The following PAN3 variants were observed in gnomAD, a reference collection of about 807,000 sequenced individuals.
PAN3 encodes the protein PAN2-PAN3 deadenylation complex subunit PAN3.
Under a neutral mutation model 96.2 loss-of-function variants are expected in PAN3, and 19 were observed. The observed-to-expected ratio is 0.20, with a 90% CI of 0.14 to 0.29. PAN3 has a LOEUF of 0.29. Among genes scored for constraint, PAN3 ranks in the 10% least tolerant of loss-of-function variants. The pLI is 1.00. For synonymous variants in PAN3, 433 were observed against 406.6 expected (o/e 1.06, Z -0.78); for missense variants, 882 against 1,108.1 (o/e 0.80, Z 2.90).
At position 28,158,809 on chromosome 13, in the gene PAN3, C is replaced by T. The variant is rs891797799; in HGVS notation, c.431-15463C>T. Among the ~76,000 whole-genome samples the T allele has an allele frequency of 7.3e-5, 11 of 150,974 alleles. No homozygotes were observed. The East Asian group carries it at 7.8e-4, about 11-fold the overall frequency. On this transcript the variant is annotated intron_variant, in intron 1 of 18. Transcript: ENST00000380958. ...AGGAGAATGGCGTGAACCCGGGAGG[C>T]GGAGCTCACAGTGAGTGGATATCGC...
At chr13:28,215,172 G>A in intron 5 of PAN3, 1 of 715,188 alleles carries the variant, frequency 1.4e-6, no homozygotes, top group Non-Finnish European at 2.6e-6. Flanking sequence ...CACCCATAAA[G>A]ATGGCAGCAC....
chr13:28,291,948 A>T (rs28712498), intron 18 of PAN3, among the ~76,000 whole-genome samples: 25 of 152,274 alleles, frequency 1.6e-4, no homozygotes, highest in African/African-American at 4.3e-4. Flanking sequence ...GTGTTTTTTT[A>T]AAATTTTTTA....
intron 1 of PAN3, among the ~76,000 whole-genome samples, chr13:28,169,908 G>C (rs931908655): frequency 6.6e-6 from 1 of 151,896 alleles, no homozygotes; most frequent in African/African-American, 2.4e-5. Context: ...TTAGCTGGGC[G>C]TGGTGACGGG....
intron 6 of PAN3, among the ~76,000 whole-genome samples, chr13:28,235,539 C>T (rs942906514): frequency 6.6e-6 from 1 of 152,004 alleles, no homozygotes; most frequent in African/African-American, 2.4e-5. Context: ...GAGATCTTTG[C>T]CTGCTTTTTA....
At chr13:28,172,455 CA>C (rs757814023) in intron 1 of PAN3, among the ~76,000 whole-genome samples, 10 of 147,318 alleles carry the variant, frequency 6.8e-5, no homozygotes, top group Admixed American at 2.7e-4. Flanking sequence ...GACTCTGTCT[CA>C]AAAAAAAAAT....
intron 4 of PAN3, among the ~76,000 whole-genome samples, chr13:28,179,948 A>G (rs9582011): frequency 0.094 from 14,272 of 152,092 alleles, 833 homozygotes; most frequent in African/African-American, 0.17. Flanking sequence ...ATACAATAAA[A>G]TGTTACTAGA....
intron 5 of PAN3, among the ~76,000 whole-genome samples, chr13:28,213,423 A>G (rs1347706563): frequency 6.6e-6 from 1 of 152,166 alleles, no homozygotes; most frequent in African/African-American, 2.4e-5. Context: ...GTATAACAGT[A>G]TCTTTAAAAT....
intron 1 of PAN3, among the ~76,000 whole-genome samples, chr13:28,157,593 T>C (rs1329124950): frequency 6.6e-6 from 1 of 152,102 alleles, no homozygotes; most frequent in East Asian, 1.9e-4. Flanking sequence ...AAATCAAGAA[T>C]GCAATCCTAT....
chr13:28,185,763 T>G (rs1033308878), intron 4 of PAN3, among the ~76,000 whole-genome samples: 1 of 152,200 alleles, frequency 6.6e-6, no homozygotes, highest in Non-Finnish European at 1.5e-5. Context: ...TGAGTTCTTA[T>G]ACACAGTAAT....
intron 1 of PAN3, among the ~76,000 whole-genome samples, chr13:28,157,766 T>G (rs558001855): frequency 6.6e-6 from 1 of 152,324 alleles, no homozygotes; most frequent in South Asian, 2.1e-4. Context: ...ATTGTTAAAA[T>G]GGCCATACTG....
intron 18 of PAN3, among the ~76,000 whole-genome samples, chr13:28,289,043 G>T (rs1869364675): frequency 6.6e-6 from 1 of 151,538 alleles, no homozygotes; most frequent in Non-Finnish European, 1.5e-5. Context: ...AGCCAGGATG[G>T]TCTCGATCTC....
At chr13:28,154,644 T>C (rs7990872) in intron 1 of PAN3, among the ~76,000 whole-genome samples, 3 of 150,448 alleles carry the variant, frequency 2.0e-5, no homozygotes, top group African/African-American at 7.3e-5. Flanking sequence ...ACAGGTGCCC[T>C]CCACTACGCC....
intron 1 of PAN3, among the ~76,000 whole-genome samples, chr13:28,149,660 A>G (rs1035444659): frequency 2.0e-5 from 3 of 152,164 alleles, no homozygotes; most frequent in Admixed American, 6.5e-5. Context: ...CACCCAGGCT[A>G]TAGTGCAGTG....
chr13:28,214,010 G>A (rs942597278), intron 5 of PAN3, among the ~76,000 whole-genome samples: 1 of 152,034 alleles, frequency 6.6e-6, no homozygotes, highest in African/African-American at 2.4e-5. Flanking sequence ...CTAGGCTGGA[G>A]TATCGCTTGA....
chr13:28,211,188 G>A (rs532543951), intron 5 of PAN3, among the ~76,000 whole-genome samples: 5 of 152,210 alleles, frequency 3.3e-5, no homozygotes, highest in African/African-American at 9.6e-5. Flanking sequence ...GGTGTGAGCG[G>A]CCATGCCTGG....
intron 1 of PAN3, among the ~76,000 whole-genome samples, chr13:28,147,583 G>T (rs949205990): frequency 6.6e-6 from 1 of 152,150 alleles, no homozygotes; most frequent in Non-Finnish European, 1.5e-5. Flanking sequence ...TGTATCAGTT[G>T]TTTACCCTCC....
At chr13:28,202,947 TTTTC>T (rs754014180) in intron 5 of PAN3, among the ~76,000 whole-genome samples, 12 of 152,256 alleles carry the variant, frequency 7.9e-5, no homozygotes, top group African/African-American at 1.4e-4. Flanking sequence ...TGTTTAATTT[TTTTC>T]TTTCTTTCTT....
intron 6 of PAN3, among the ~76,000 whole-genome samples, chr13:28,221,646 C>CT (rs1158475085): frequency 6.6e-6 from 1 of 152,074 alleles, no homozygotes; most frequent in Non-Finnish European, 1.5e-5. Context: ...CCCCACCATT[C>CT]TTTCTCTTAC....
chr13:28,285,213 T>G (rs995777590), intron 17 of PAN3, among the ~76,000 whole-genome samples: 1 of 152,202 alleles, frequency 6.6e-6, no homozygotes, highest in Admixed American at 6.5e-5. Flanking sequence ...TTCAGTAAAT[T>G]CTCTTTGAGT....
Sources: allele counts gnomAD v4.1 joint callset (sites outside exome capture counted in the v4.1 genomes callset), GRCh38; gene constraint gnomAD v4.1.1; transcripts MANE v1.5; gene names NCBI Gene and HGNC (gene_info 2026-07-23, HGNC 2026-07-21).